The following ATP1A4 variants were observed in gnomAD, a reference collection of about 807,000 sequenced individuals.
ATP1A4 encodes the protein ATPase Na+/K+ transporting subunit alpha 4.
Under a neutral mutation model 114.3 loss-of-function variants are expected in ATP1A4, and 90 were observed. The ratio of observed to expected loss-of-function variants is 0.79; its 90% CI spans 0.66 to 0.94. The LOEUF (loss-of-function observed/expected upper bound fraction) is 0.94. Among genes scored for constraint, ATP1A4 ranks in the 40% least tolerant of loss-of-function variants. ATP1A4 has a pLI of 0.00. For missense variants in ATP1A4, 1,222 were observed against 1,313.6 expected (o/e 0.93, Z 1.08); for synonymous variants, 511 against 494.1 (o/e 1.03, Z -0.45).
Position 160,177,555 on chromosome 1 carries a change from T to C in ATP1A4, c.2627T>C (p.Phe876Ser), listed in dbSNP as rs201827863. Reference sequence around the variant, plus strand: ...GCTCTGGCTGGATTCTTTACCTACTTTGTAATCCTGGCTGAGAATGGTTTT... The same window carrying C: ...GCTCTGGCTGGATTCTTTACCTACTCTGTAATCCTGGCTGAGAATGGTTTT... ...IQALAGFFTY[F>S]VILAENGFRP... is the part of the protein sequence containing the mutation. The change falls in exon 18 of 22, where the codon TTT becomes TCT. Residue 876 changes from phenylalanine (F) to serine (S), a missense_variant. By Grantham distance (155) the Phe-to-Ser change is radical. Coordinates refer to ENST00000368081, the MANE Select transcript of ATP1A4 (RefSeq NM_144699.4). 73 of 1,614,034 alleles carry C rather than the reference T, an allele frequency of 4.5e-5. No individual in the cohort carries two copies. Among genetic ancestry groups the C allele is most frequent in the Non-Finnish European group, 5.9e-5 (70 of 1,180,024 alleles).
In ATP1A4 at chr1:160,153,036, G is replaced by C. The variant is rs11265335; in HGVS notation, c.148-129G>C. The C allele has an allele frequency of 5.6e-6, 4 of 710,686 alleles. No homozygotes were observed. In the African/African-American group the frequency reaches 7.0e-5, roughly 12 times the overall value. 44.0% of individuals were successfully genotyped at this position (710,686 alleles called of 1,614,324 possible). A position where few individuals can be genotyped will look rare whatever the true frequency, so the allele number is the denominator to read the frequency against. ...ACAGAGTGACTCCATCTCAAAAAAA[G>C]AATTGCAGGGAGCTTACAAAATGGA... is the stretch of plus-strand genomic sequence containing the variant. On this transcript the variant is annotated intron_variant, in intron 1 of 21. Coordinates refer to ENST00000368081, the MANE Select transcript of ATP1A4 (RefSeq NM_144699.4).
chr1:160,154,901 T>C, intron 2 of ATP1A4, 144 bp from the exon 3 acceptor site: 2 of 729,018 alleles, frequency 2.7e-6, no homozygotes, highest in East Asian at 2.5e-5. Flanking sequence ...CCTCACCTTA[T>C]CCAGGAAGAA....
chr1:160,179,908 C>T (rs964342723), intron 18 of ATP1A4, among the ~76,000 whole-genome samples: 1 of 152,084 alleles, frequency 6.6e-6, no homozygotes, highest in African/African-American at 2.4e-5. Flanking sequence ...TATAAAAATG[C>T]TAGTCAGAGA....
intron 6 of ATP1A4, among the ~76,000 whole-genome samples, chr1:160,161,318 C>A (rs1652856448): frequency 6.6e-6 from 1 of 152,206 alleles, no homozygotes; most frequent in Admixed American, 6.5e-5. Flanking sequence ...TCACCGTAGA[C>A]CTTGACATGG....
chr1:160,164,181 TA>T lies in ATP1A4; in HGVS notation c.805del (p.Thr269ArgfsTer6). On this transcript the variant is annotated frameshift_variant, in exon 7 of 22. Transcript: ENST00000368081. LOFTEE classifies it high-confidence loss of function. Reference protein sequence around the residue: ...EGTARGIVIATGDSTVMGRIA... With the variant: ...EGTARGIVIAXGDSTVMGRIA... ...GAACCGCCCGGGGTATTGTGATTGC[TA>T]CGGGAGACTCCACAGTGATGGGCAG... is the stretch of plus-strand genomic sequence containing the variant. The T allele has an allele frequency of 6.2e-7, 1 of 1,614,222 alleles. No individual in the cohort carries two copies. Among genetic ancestry groups the T allele is most frequent in the Non-Finnish European group, 8.5e-7 (1 of 1,180,034 alleles).
intron 10 of ATP1A4, among the ~76,000 whole-genome samples, chr1:160,167,734 T>C (rs1256770043): frequency 5.3e-5 from 8 of 152,190 alleles, no homozygotes; most frequent in Non-Finnish European, 1.2e-4. Flanking sequence ...CATGTTAGAG[T>C]CACATGCAGC....
intron 20 of ATP1A4, 127 bp from the exon 21 acceptor site, chr1:160,186,149 C>A: frequency 1.5e-6 from 1 of 665,186 alleles, no homozygotes; most frequent in Non-Finnish European, 2.8e-6. Context: ...GTCTCCAGCA[C>A]CCAGCACAGT....
chr1:160,155,215 G>A lies in ATP1A4; in HGVS notation c.378G>A (p.Gln126=). Residue 126 remains glutamine (Q), a synonymous_variant, in exon 3 of 22, where the codon CAG becomes CAA. Coordinates refer to ENST00000368081, the MANE Select transcript of ATP1A4 (RefSeq NM_144699.4). ...TCTGCTTTGTGGCCTACAGCATCCA[G>A]ATATATTTCAATGAGGAGCCTACCA... The part of the protein sequence containing the change: ...AILCFVAYSI[Q]IYFNEEPTKD... 6.2e-7 allele frequency: 1 copy of A among 1,613,528 alleles called. No homozygotes were observed. Among genetic ancestry groups the A allele is most frequent in the South Asian group, 1.1e-5 (1 of 91,056 alleles).
At chr1:160,176,296 G>A (rs1412864512) in intron 16 of ATP1A4, 50 bp downstream of exon 16, 1 of 1,609,606 alleles carries the variant, frequency 6.2e-7, no homozygotes, top group East Asian at 2.2e-5. Flanking sequence ...TGCCTCCTAA[G>A]CTCCCTGCTT....
At chr1:160,168,377 CTT>C (rs11397218) in intron 10 of ATP1A4, among the ~76,000 whole-genome samples, 19 of 97,058 alleles carry the variant, frequency 2.0e-4, no homozygotes, top group African/African-American at 5.6e-4. Flanking sequence ...CTGCTGGTAT[CTT>C]TTTTTTTTTT....
chr1:160,180,696 T>C (rs892591565), intron 18 of ATP1A4, among the ~76,000 whole-genome samples: 3 of 2,110 alleles, frequency 1.4e-3, no homozygotes, highest in Admixed American at 7.7e-3. Flanking sequence ...CTTCTTCCCT[T>C]TTTTTTTTTT....
In ATP1A4 at chr1:160,174,452, G is replaced by A. The variant is rs529411445; in HGVS notation, c.2143-127G>A. ...AATATCTCAGGAGGAGTGGGAGAAG[G>A]ACGGGAGCCCTAAATCAAGCATGAT... On this transcript the variant is annotated intron_variant, in intron 14 of 21. Coordinates refer to ENST00000368081, the MANE Select transcript of ATP1A4 (RefSeq NM_144699.4). The A allele has an allele frequency of 4.7e-5, 68 of 1,459,662 alleles. 1 individual carries two copies. In the South Asian group the frequency reaches 9.4e-4, roughly 20 times the overall value. 90.4% of individuals were successfully genotyped at this position (1,459,662 alleles called of 1,614,324 possible).
At chr1:160,180,863 C>T (rs975648562) in intron 18 of ATP1A4, among the ~76,000 whole-genome samples, 1 of 151,892 alleles carries the variant, frequency 6.6e-6, no homozygotes, top group African/African-American at 2.4e-5. Flanking sequence ...TACAGGCACC[C>T]GCCACCACGC....
At position 160,181,835 on chromosome 1, in the gene ATP1A4, C is replaced by T. The variant is rs200389708; in HGVS notation, c.2867+21C>T. The T allele has an allele frequency of 1.1e-3, 1,625 of 1,486,928 alleles. 20 individuals are homozygous for T. In the African/African-American group the frequency reaches 0.036, roughly 33 times the overall value. 92.1% of individuals were successfully genotyped at this position (1,486,928 alleles called of 1,614,324 possible). On this transcript the variant is annotated intron_variant, in intron 19 of 21. Coordinates refer to ENST00000368081, the MANE Select transcript of ATP1A4 (RefSeq NM_144699.4). Reference sequence around the variant, plus strand: ...ATGAGGTGAACATCTCACAAAACAGCCCAGCACTCTCCCAAGCCCCACACA... The same window carrying T: ...ATGAGGTGAACATCTCACAAAACAGTCCAGCACTCTCCCAAGCCCCACACA...
chr1:160,174,343 T>C, intron 14 of ATP1A4, 82 bp downstream of exon 14: 1 of 1,580,486 alleles, frequency 6.3e-7, no homozygotes. Flanking sequence ...GAGGAACATG[T>C]GGGCTGGGCT....
At position 160,157,747 on chromosome 1, in the gene ATP1A4, A is replaced by T. The variant is rs548560437; in HGVS notation, c.526-1255A>T. On this transcript the variant is annotated intron_variant, in intron 4 of 21. Coordinates refer to ENST00000368081, the MANE Select transcript of ATP1A4 (RefSeq NM_144699.4). ...GAGAGAGAGAGGATGAAAACAAATGACAAAGTAACTGGGGTGAAATGTTAA... is the reference window on the plus strand; with the variant it reads ...GAGAGAGAGAGGATGAAAACAAATGTCAAAGTAACTGGGGTGAAATGTTAA... Among the ~76,000 whole-genome samples the T allele has an allele frequency of 3.7e-4, 57 of 152,352 alleles. 2 individuals are homozygous for T. The South Asian group carries it at 0.01, about 28-fold the overall frequency.
chr1:160,184,043 C>T (rs12129510), intron 20 of ATP1A4, among the ~76,000 whole-genome samples: 38,063 of 151,178 alleles, frequency 0.25, 5,972 homozygotes, highest in East Asian at 0.62. Flanking sequence ...AACTCCGCCC[C>T]GCTGGTTCAA....
In ATP1A4 at chr1:160,182,015, C is replaced by G; in HGVS notation, c.2953C>G (p.Arg985Gly). The change falls in exon 20 of 22, where the codon CGA becomes GGA. Residue 985 changes from arginine (R) to glycine (G), a missense_variant. Physicochemically the swap from Arg to Gly is moderately radical, Grantham distance 125. Transcript: ENST00000368081. The part of the protein sequence containing the change: ...SYTPGMDVAL[R>G]MYPLKITWWL... ...CACTCCAGGCATGGACGTGGCCCTG[C>G]GAATGTACCCACTCAAGTGAGTAAG... The G allele has an allele frequency of 6.2e-7, 1 of 1,613,798 alleles. No individual in the cohort carries two copies. The highest frequency in any genetic ancestry group is 8.5e-7 in the Non-Finnish European group (1 of 1,179,778).
At chr1:160,165,942 A>G (rs1341819866) in intron 7 of ATP1A4, among the ~76,000 whole-genome samples, 1 of 152,016 alleles carries the variant, frequency 6.6e-6, no homozygotes, top group Non-Finnish European at 1.5e-5. Context: ...GGGAATAAAG[A>G]GGATCCCTGT....
Sources: gnomAD v4.1 joint callset for allele counts (sites outside exome capture counted in the v4.1 genomes callset) on GRCh38, gnomAD v4.1.1 for gene constraint, MANE v1.5 for transcripts, NCBI Gene and HGNC (gene_info 2026-07-23, HGNC 2026-07-21) for gene names.